TNPO1: variants seen among roughly 807,000 people sequenced by gnomAD.
TNPO1 encodes transportin-1.
Under a neutral mutation model 119.5 loss-of-function variants are expected in TNPO1, and 8 were observed. The ratio of observed to expected loss-of-function variants is 0.07; its 90% CI spans 0.04 to 0.12. The LOEUF is 0.12. Ranked by LOEUF, TNPO1 falls within the 10% of genes least tolerant of loss-of-function variation. TNPO1 has a pLI of 1.00. For missense variants in TNPO1, 576 were observed against 1,089.8 expected, an observed-to-expected ratio of 0.53 and a Z score of 6.64; for synonymous variants, 362 against 363.0, an observed-to-expected ratio of 1.00 and a Z score of 0.03.
intron 6 of TNPO1, 42 bp from the exon 7 acceptor site, chr5:72,872,597 A>G (rs1392530272): frequency 7.1e-7 from 1 of 1,414,524 alleles, no homozygotes; most frequent in Non-Finnish European, 9.8e-7. Context: ...GATAGAACAA[A>G]GTTACAATGA....
Position 72,893,707 on chromosome 5 carries a change from T to C in TNPO1, c.2143+4T>C. ...CAGCATGTTAAGCCTTGTATAGGTATGAATATTTTCTACTGCTATGAATAT... is the reference window on the plus strand; with the variant it reads ...CAGCATGTTAAGCCTTGTATAGGTACGAATATTTTCTACTGCTATGAATAT... On this transcript the variant is annotated splice_donor_region_variant and intron_variant, in intron 18 of 24. Transcript: ENST00000337273. The C allele has an allele frequency of 6.2e-7, 1 of 1,613,348 alleles. No individual in the cohort carries two copies. Among genetic ancestry groups the C allele is most frequent in the Non-Finnish European group, 8.5e-7 (1 of 1,179,436 alleles).
At chr5:72,896,434 A>G in intron 18 of TNPO1, 24 bp from the exon 19 acceptor site, 2 of 1,563,064 alleles carry the variant, frequency 1.3e-6, no homozygotes, top group Non-Finnish European at 8.8e-7. Context: ...AAAGTTTACT[A>G]CATAGTTTAA....
intron 1 of TNPO1, among the ~76,000 whole-genome samples, chr5:72,819,040 A>G (rs1027900880): frequency 2.0e-5 from 3 of 152,220 alleles, no homozygotes; most frequent in African/African-American, 2.4e-5. Flanking sequence ...GTGTTGCTGT[A>G]AAAGAATACC....
At chr5:72,851,626 G>A (rs898164494) in intron 3 of TNPO1, among the ~76,000 whole-genome samples, 18 of 152,216 alleles carry the variant, frequency 1.2e-4, no homozygotes, top group Middle Eastern at 3.4e-3. Context: ...CTAGTAGCCG[G>A]GATTACAGGC....
intron 9 of TNPO1, among the ~76,000 whole-genome samples, 200 bp from the exon 10 acceptor site, chr5:72,882,267 G>A (rs1019145438): frequency 6.6e-6 from 1 of 152,048 alleles, no homozygotes; most frequent in African/African-American, 2.4e-5. Context: ...CCTATCCAGG[G>A]GATTTTATAT....
chr5:72,911,740 T>C lies in TNPO1; in HGVS notation c.*3067T>C, dbSNP rs1261601426. The C allele has an allele frequency of 6.6e-6, 1 of 152,538 alleles. No homozygotes were observed. Among genetic ancestry groups the C allele is most frequent in the East Asian group, 1.9e-4 (1 of 5,202 alleles). 9.4% of individuals were successfully genotyped at this position (152,538 alleles called of 1,614,324 possible). ...ACACACTAAAATGCTGTTAGTGTGCTCAACTACAGAAATAGCCGCTGCTAA... is the reference window on the plus strand; with the variant it reads ...ACACACTAAAATGCTGTTAGTGTGCCCAACTACAGAAATAGCCGCTGCTAA... On this transcript the variant is annotated 3_prime_UTR_variant, in exon 25 of 25. Transcript: ENST00000337273.
At chr5:72,830,360 C>A (rs1318150851) in intron 1 of TNPO1, among the ~76,000 whole-genome samples, 1 of 152,094 alleles carries the variant, frequency 6.6e-6, no homozygotes. Flanking sequence ...TATTCTGATT[C>A]TGGGAAATAC....
chr5:72,852,938 G>T (rs968613592), intron 3 of TNPO1, among the ~76,000 whole-genome samples: 2 of 152,082 alleles, frequency 1.3e-5, no homozygotes, highest in African/African-American at 4.8e-5. Context: ...TGATCAACCT[G>T]TTTGTTTCTT....
intron 6 of TNPO1, among the ~76,000 whole-genome samples, chr5:72,868,951 T>C (rs570598937): frequency 1.4e-4 from 22 of 152,064 alleles, no homozygotes; most frequent in African/African-American, 5.3e-4. Flanking sequence ...GAGGTTGCAG[T>C]GAGCCGAGAT....
chr5:72,869,700 T>C (rs1277858334), intron 6 of TNPO1, among the ~76,000 whole-genome samples: 1 of 152,182 alleles, frequency 6.6e-6, no homozygotes, highest in African/African-American at 2.4e-5. Flanking sequence ...GCTTACTAAA[T>C]ACCTCAGATG....
chr5:72,903,490 C>T (rs1424389454), intron 22 of TNPO1, among the ~76,000 whole-genome samples: 1 of 152,124 alleles, frequency 6.6e-6, no homozygotes, highest in African/African-American at 2.4e-5. Context: ...ACATTAAAGT[C>T]CAGTATAAAC....
intron 22 of TNPO1, 34 bp from the exon 23 acceptor site, chr5:72,903,675 T>G (rs1432068830): frequency 6.9e-7 from 1 of 1,447,712 alleles, no homozygotes; most frequent in African/African-American, 1.4e-5. Context: ...ACAAATACAA[T>G]ATCAACCTAA....
chr5:72,862,928 G>C (rs1746570460), intron 5 of TNPO1, among the ~76,000 whole-genome samples: 1 of 152,034 alleles, frequency 6.6e-6, no homozygotes, highest in African/African-American at 2.4e-5. Context: ...GATTACAGGT[G>C]TGAGCCACTG....
chr5:72,837,981 G>A (rs1164533964), intron 1 of TNPO1, among the ~76,000 whole-genome samples: 1 of 152,142 alleles, frequency 6.6e-6, no homozygotes, highest in Non-Finnish European at 1.5e-5. Flanking sequence ...TTTCTGCTAT[G>A]TCTCTTTTCA....
chr5:72,871,892 A>T (rs1747433202), intron 6 of TNPO1: 1 of 152,230 alleles, frequency 6.6e-6, no homozygotes, highest in South Asian at 2.1e-4. Flanking sequence ...CCTGCAAGGT[A>T]AGGATGATTT....
rs772203738 is a variant in TNPO1, at chr5:72,848,369, C to T, written c.16-16C>T. 2.5e-6 allele frequency: 4 copies of T among 1,608,452 alleles called. No homozygotes were observed. The highest frequency in any genetic ancestry group is 2.3e-5 in the East Asian group (1 of 44,410). The stretch of plus-strand genomic sequence containing the variant: ...ACAGTTGCTCCGTCTCTTCCTGTGT[C>T]TGGCTTTATTTGCAGCAAACCAAGA... On this transcript the variant is annotated splice_polypyrimidine_tract_variant and intron_variant, in intron 1 of 24. Transcript: ENST00000337273.
intron 1 of TNPO1, among the ~76,000 whole-genome samples, chr5:72,819,828 C>T (rs1743874378): frequency 6.6e-6 from 1 of 152,214 alleles, no homozygotes; most frequent in African/African-American, 2.4e-5. Context: ...TTTAATCTCA[C>T]TTTTTCATCT....
chr5:72,822,323 CT>C (rs11458903), intron 1 of TNPO1, among the ~76,000 whole-genome samples: 21 of 147,764 alleles, frequency 1.4e-4, no homozygotes, highest in South Asian at 4.3e-4. Flanking sequence ...AAAGCAGTGA[CT>C]TTTTTTTTTT....
intron 6 of TNPO1, among the ~76,000 whole-genome samples, chr5:72,868,455 A>AAC (rs1747113470): frequency 6.7e-6 from 1 of 148,254 alleles, no homozygotes; most frequent in Non-Finnish European, 1.5e-5. Context: ...AAAAAAAAAA[A>AAC]AAAACACAAA....
Sources: gnomAD v4.1 joint callset for allele counts (sites outside exome capture counted in the v4.1 genomes callset) on GRCh38, gnomAD v4.1.1 for gene constraint, MANE v1.5 for transcripts, NCBI Gene and HGNC (gene_info 2026-07-23, HGNC 2026-07-21) for gene names.